TMEM17: variants seen among roughly 807,000 people sequenced by gnomAD.
The protein encoded by TMEM17 is transmembrane protein 17.
A neutral mutation model predicts 19.1 loss-of-function variants in TMEM17; 15 were observed. That is an observed-to-expected ratio of 0.78 (90% CI 0.52 to 1.21). TMEM17 has a LOEUF of 1.21. Ranked by LOEUF, TMEM17 falls within the 50% of genes most tolerant of loss-of-function variation. The pLI is 0.00. For missense variants in TMEM17, 245 were observed against 242.3 expected, an observed-to-expected ratio of 1.01 and a Z score of -0.07; for synonymous variants, 103 against 86.9, an observed-to-expected ratio of 1.19 and a Z score of -1.03.
At chr2:62,497,014 G>A (rs532406212), downstream of TMEM17, among the ~76,000 whole-genome samples, 2 of 152,102 alleles carry the variant, frequency 1.3e-5, no homozygotes, top group East Asian at 1.9e-4. Flanking sequence ...TAAGAAAGGC[G>A]GTGAGTATTT....
rs1009951530 is a variant in TMEM17 at position 62,505,919 on chromosome 2, C to G, written c.100+111G>C. On this transcript the variant is annotated intron_variant, in intron 1 of 3. Transcript: ENST00000335390. ...AGGCGCTCTCCCGCACTGCGGAGAA[C>G]TGGCTGAAGGCGACATCGCCATTTT... 52 of 1,068,846 alleles carry G rather than the reference C, an allele frequency of 4.9e-5. No homozygotes were observed. In the African/African-American group the frequency reaches 5.9e-4, roughly 12 times the overall value. 66.2% of individuals were successfully genotyped at this position (1,068,846 alleles called of 1,614,324 possible). A position where few individuals can be genotyped will look rare whatever the true frequency, so the allele number is the denominator to read the frequency against.
chr2:62,504,837 A>G (rs1680022396), intron 1 of TMEM17, among the ~76,000 whole-genome samples: 1 of 152,218 alleles, frequency 6.6e-6, no homozygotes, highest in Non-Finnish European at 1.5e-5. Context: ...CAGTGTCCAT[A>G]AAGTTTTATT....
the TMEM17 span, among the ~76,000 whole-genome samples, chr2:62,474,784 A>G: frequency 6.6e-6 from 1 of 152,130 alleles, no homozygotes; most frequent in Non-Finnish European, 1.5e-5. Context: ...AACTGGGGCT[A>G]TTATTCATCT....
At chr2:62,464,824 A>G in the TMEM17 span, among the ~76,000 whole-genome samples, 4 of 152,076 alleles carry the variant, frequency 2.6e-5, no homozygotes, top group South Asian at 2.1e-4. Context: ...AGTTGAAGCT[A>G]TCTTCTTGTG....
rs773610854 is a variant in TMEM17 at position 62,502,494 on chromosome 2, T to G, written c.261A>C (p.Ile87=). 1 of 1,613,444 alleles carries G rather than the reference T, an allele frequency of 6.2e-7. No homozygotes were observed. The highest frequency in any genetic ancestry group is 1.1e-5 in the South Asian group (1 of 91,042). The change falls in exon 3 of 4, where the codon ATA becomes ATC. Residue 87 remains isoleucine (I), a synonymous_variant. Transcript: ENST00000335390. Reference sequence around the variant, plus strand: ...ACAACCGGATGGCTTCAATTAAGGTTATTAGGATGATAACAGTGATCACAA... The same window carrying G: ...ACAACCGGATGGCTTCAATTAAGGTGATTAGGATGATAACAGTGATCACAA... The part of the protein sequence containing the change: ...KFIVITVIIL[I]TLIEAIRLYL...
At chr2:62,487,254 G>A in the TMEM17 span, among the ~76,000 whole-genome samples, 1 of 152,092 alleles carries the variant, frequency 6.6e-6, no homozygotes, top group Non-Finnish European at 1.5e-5. Flanking sequence ...CTTGTTTCAT[G>A]GCCTGTTCCT....
At chr2:62,481,565 G>C in the TMEM17 span, among the ~76,000 whole-genome samples, 3 of 152,050 alleles carry the variant, frequency 2.0e-5, no homozygotes, top group Non-Finnish European at 4.4e-5. Context: ...GTTAGCTGTG[G>C]GTTTGTCACA....
Position 62,501,357 on chromosome 2 carries a change from AAG to A in TMEM17, c.447_448del (p.Phe150ProfsTer17). On this transcript the variant is annotated frameshift_variant, in exon 4 of 4. Coordinates refer to ENST00000335390, the MANE Select transcript of TMEM17 (RefSeq NM_198276.3). LOFTEE classifies it high-confidence loss of function. ...TGCTGCAACAACTTGGAAAGCAAGG[AAG>A]AGAGTGAAGATGATATGTATCGCTT... 6.2e-7 allele frequency: 1 copy of A among 1,614,226 alleles called. No individual in the cohort carries two copies. Among genetic ancestry groups the A allele is most frequent in the Non-Finnish European group, 8.5e-7 (1 of 1,180,044 alleles).
the TMEM17 span, among the ~76,000 whole-genome samples, chr2:62,457,381 A>G: frequency 6.6e-6 from 1 of 152,024 alleles, no homozygotes; most frequent in Non-Finnish European, 1.5e-5. The surrounding 1 kb of genome is among the most constrained non-coding windows in gnomAD (Gnocchi z 4.2). Context: ...CCCGTCGCGG[A>G]CCTGGAGGAA....
the TMEM17 span, among the ~76,000 whole-genome samples, chr2:62,461,683 A>T: frequency 6.6e-6 from 1 of 152,190 alleles, no homozygotes; most frequent in African/African-American, 2.4e-5. Context: ...CCTGAGCCTC[A>T]TTCCAGACCC....
At position 62,506,016 on chromosome 2, in the gene TMEM17, C is replaced by A; in HGVS notation, c.100+14G>T. ...GGCAGGCCACACCCCCTGCACCGGG[C>A]CTCGGTCACTCACCCGGACCCTCAT... is the stretch of plus-strand genomic sequence containing the variant. On this transcript the variant is annotated intron_variant, in intron 1 of 3. Coordinates refer to ENST00000335390, the MANE Select transcript of TMEM17 (RefSeq NM_198276.3). 7.5e-6 allele frequency: 12 copies of A among 1,602,498 alleles called. No individual in the cohort carries two copies. The highest frequency in any genetic ancestry group is 9.4e-6 in the Non-Finnish European group (11 of 1,174,114).
chr2:62,454,108 A>G, the TMEM17 span, among the ~76,000 whole-genome samples: 1 of 152,214 alleles, frequency 6.6e-6, no homozygotes, highest in Non-Finnish European at 1.5e-5. Flanking sequence ...GCAGAGCTAA[A>G]TGGGATTGGC....
At chr2:62,474,815 G>A in the TMEM17 span, among the ~76,000 whole-genome samples, 5 of 152,052 alleles carry the variant, frequency 3.3e-5, no homozygotes, top group Admixed American at 3.3e-4. Context: ...TCTGACTGTT[G>A]GAATCTGTTT....
chr2:62,454,361 G>A, the TMEM17 span, among the ~76,000 whole-genome samples: 1 of 152,220 alleles, frequency 6.6e-6, no homozygotes, highest in Admixed American at 6.5e-5. Flanking sequence ...GTGAATCGTG[G>A]CTGCATGAAG....
the TMEM17 span, among the ~76,000 whole-genome samples, chr2:62,474,231 C>A: frequency 6.6e-6 from 1 of 152,132 alleles, no homozygotes; most frequent in Non-Finnish European, 1.5e-5. Flanking sequence ...ACAAAACTTC[C>A]AAAATAGTTC....
chr2:62,486,051 A>G, the TMEM17 span, among the ~76,000 whole-genome samples: 1 of 152,206 alleles, frequency 6.6e-6, no homozygotes, highest in Admixed American at 6.5e-5. Flanking sequence ...CAATGTCCTG[A>G]AATGTGCCCT....
chr2:62,467,986 G>A, the TMEM17 span, among the ~76,000 whole-genome samples: 41 of 152,026 alleles, frequency 2.7e-4, no homozygotes, highest in South Asian at 6.2e-4. Context: ...GCAAATCCTC[G>A]GGGTACTCAG....
chr2:62,504,369 A>C (rs1399757397), intron 1 of TMEM17, among the ~76,000 whole-genome samples: 2 of 152,250 alleles, frequency 1.3e-5, no homozygotes, highest in African/African-American at 4.8e-5. Flanking sequence ...ATTACAGTAC[A>C]AATAATCAAA....
At chr2:62,482,341 G>A in the TMEM17 span, among the ~76,000 whole-genome samples, 1 of 152,210 alleles carries the variant, frequency 6.6e-6, no homozygotes, top group African/African-American at 2.4e-5. Flanking sequence ...TGTTCCAGAT[G>A]CCTTTATATA....
Sources: allele counts gnomAD v4.1 joint callset (sites outside exome capture counted in the v4.1 genomes callset), GRCh38; gene constraint gnomAD v4.1.1; non-coding constraint Gnocchi (gnomAD v3.1); transcripts MANE v1.5; gene names NCBI Gene and HGNC (gene_info 2026-07-23, HGNC 2026-07-21).